The following ZNF611 variants were observed in gnomAD, a reference collection of about 807,000 sequenced individuals.
The protein encoded by ZNF611 is zinc finger protein 611.
Under a neutral mutation model 8.9 loss-of-function variants are expected in ZNF611, and 6 were observed. The observed-to-expected ratio is 0.68, with a 90% confidence interval of 0.37 to 1.34. ZNF611 has a LOEUF of 1.34. ZNF611 is among the 40% of genes most tolerant of loss of function. The probability of loss-of-function intolerance (pLI) is 0.02; values close to 1 mark genes in which losing one functional copy is unlikely to be tolerated. For missense variants in ZNF611, 874 were observed against 841.3 expected (o/e 1.04, Z -0.48); for synonymous variants, 262 against 279.7 (o/e 0.94, Z 0.63).
At chr19:52,715,564 T>C (rs1453356490) in intron 4 of ZNF611, among the ~76,000 whole-genome samples, 2 of 152,154 alleles carry the variant, frequency 1.3e-5, no homozygotes, top group Non-Finnish European at 2.9e-5. Context: ...AGCACTGACA[T>C]CAACGGGCTC....
intron 4 of ZNF611, 58 bp from the exon 5 acceptor site, chr19:52,714,199 C>G (rs1377184185): frequency 1.9e-6 from 3 of 1,584,818 alleles, no homozygotes; most frequent in Non-Finnish European, 8.5e-7. Flanking sequence ...ATCACCTTCA[C>G]AGAAAATGAG....
chr19:52,719,421 T>C lies in ZNF611; in HGVS notation c.-19-3508A>G, dbSNP rs147817812. On this transcript the variant is annotated intron_variant, in intron 3 of 5. Transcript: ENST00000652185. ...ACGAGTCAAGTCACTGTCCTCTGGC[T>C]GAAGAGGGGTTGCAGAGGGAAGCTG... 2.5e-3 allele frequency among the ~76,000 whole-genome samples: 386 copies of C among 152,288 alleles called. 4 individuals are homozygous for C. The highest frequency in any genetic ancestry group is 0.013 in the East Asian group (69 of 5,176).
intron 3 of ZNF611, among the ~76,000 whole-genome samples, chr19:52,720,419 A>G (rs11881613): frequency 7.0e-4 from 58 of 83,234 alleles, no homozygotes; most frequent in Middle Eastern, 0.011. Flanking sequence ...GGGCAGAGGC[A>G]CTCCTCACTT....
At chr19:52,715,326 G>A (rs1228363976) in intron 4 of ZNF611, among the ~76,000 whole-genome samples, 2 of 151,888 alleles carry the variant, frequency 1.3e-5, no homozygotes, top group Non-Finnish European at 2.9e-5. Context: ...GTGGTGGTAG[G>A]TGCCTGTAAT....
At chr19:52,708,805 C>T (rs1188899632) in intron 5 of ZNF611, 1 of 152,058 alleles carries the variant, frequency 6.6e-6, no homozygotes, top group South Asian at 2.1e-4. Flanking sequence ...CCATTGCACT[C>T]CAGCCTGGGT....
intron 3 of ZNF611, chr19:52,716,139 A>C (rs1325289003): frequency 3.9e-6 from 2 of 511,744 alleles, no homozygotes; most frequent in Non-Finnish European, 7.0e-6. Flanking sequence ...ACCACACACG[A>C]GGCAGCAGTG....
chr19:52,732,911 G>A (rs932924266), intron 1 of ZNF611, among the ~76,000 whole-genome samples: 6 of 152,118 alleles, frequency 3.9e-5, no homozygotes, highest in South Asian at 2.1e-4. Flanking sequence ...AGGAGATCAC[G>A]CCACTGCACA....
Position 52,706,153 on chromosome 19 carries a change from G to C in ZNF611, c.902C>G (p.Ser301Cys), listed in dbSNP as rs756062509. Reference sequence around the variant, plus strand: ...ATGAAGTCTACGATGGCAGGTAAGGGATGACTCCTGACTGAAGGTCTTGCC... The same window carrying C: ...ATGAAGTCTACGATGGCAGGTAAGGCATGACTCCTGACTGAAGGTCTTGCC... ...ECGKTFSQES[S>C]LTCHRRLHTG... Residue 301 changes from serine (S) to cysteine (C), a missense_variant, in exon 6 of 6, where the codon TCC (serine) becomes TGC (cysteine). Physicochemically the swap from Ser to Cys is moderately radical, Grantham distance 112 (BLOSUM62 -1). Coordinates refer to ENST00000652185, the MANE Select transcript of ZNF611 (RefSeq NM_001161499.2). 6.2e-7 allele frequency: 1 copy of C among 1,614,050 alleles called. No homozygotes were observed. Among genetic ancestry groups the C allele is most frequent in the African/African-American group, 1.3e-5 (1 of 75,016 alleles).
At chr19:52,716,109 A>T (rs963487721) in intron 3 of ZNF611, 196 bp from the exon 4 acceptor site, 7 of 597,586 alleles carry the variant, frequency 1.2e-5, no homozygotes, top group Admixed American at 3.1e-5. Flanking sequence ...TTCAGATCTC[A>T]CCTCTCTCCT....
Position 52,706,924 on chromosome 19 carries a change from G to A in ZNF611, c.191-60C>T, listed in dbSNP as rs1431001344. On this transcript the variant is annotated intron_variant, in intron 5 of 5. Transcript: ENST00000652185. Reference sequence around the variant, plus strand: ...AGTACAGATGGTAAATCACACTGAAGTGCATAAATATGACACAAAAAACGA... The same window carrying A: ...AGTACAGATGGTAAATCACACTGAAATGCATAAATATGACACAAAAAACGA... 15 of 1,546,066 alleles carry A rather than the reference G, an allele frequency of 9.7e-6. No homozygotes were observed. The Middle Eastern group carries it at 6.9e-4, about 71-fold the overall frequency.
At chr19:52,721,646 C>A (rs2062360165) in intron 3 of ZNF611, among the ~76,000 whole-genome samples, 1 of 146,800 alleles carries the variant, frequency 6.8e-6, no homozygotes, top group Non-Finnish European at 1.5e-5. Context: ...CCAGCCTCGG[C>A]AACAGAGGGA....
chr19:52,710,924 ATTATGT>A (rs2062275192), intron 5 of ZNF611, among the ~76,000 whole-genome samples: 1 of 151,536 alleles, frequency 6.6e-6, no homozygotes, highest in Non-Finnish European at 1.5e-5. Context: ...TACTTGGGGG[ATTATGT>A]CCTGAGGCAG....
At chr19:52,729,507 A>AG (rs2062412294) in intron 2 of ZNF611, among the ~76,000 whole-genome samples, 2 of 145,314 alleles carry the variant, frequency 1.4e-5, no homozygotes, top group African/African-American at 5.4e-5. Context: ...AAAAAAAAAA[A>AG]AAAAAAAAAA....
intron 5 of ZNF611, chr19:52,708,708 G>A (rs556960118): frequency 2.5e-4 from 38 of 152,078 alleles, no homozygotes; most frequent in African/African-American, 8.7e-4. Context: ...CTGGTGGAGG[G>A]CGCCTATAAT....
chr19:52,720,743 G>C (rs942628371), intron 3 of ZNF611, among the ~76,000 whole-genome samples: 1 of 150,420 alleles, frequency 6.6e-6, no homozygotes, highest in Non-Finnish European at 1.5e-5. Flanking sequence ...ATCCCAGACG[G>C]GGTGGCCAGG....
intron 4 of ZNF611, among the ~76,000 whole-genome samples, chr19:52,715,238 A>G (rs2062308601): frequency 6.6e-6 from 1 of 151,936 alleles, no homozygotes; most frequent in African/African-American, 2.4e-5. Context: ...TGGGCGGATC[A>G]CAAGGTCAGG....
intron 3 of ZNF611, among the ~76,000 whole-genome samples, chr19:52,725,535 G>A (rs1455471257): frequency 1.3e-5 from 2 of 152,198 alleles, no homozygotes; most frequent in African/African-American, 4.8e-5. Context: ...CCGGGGACGG[G>A]ACCAGCCTCC....
Position 52,706,069 on chromosome 19 carries a change from G to T in ZNF611, c.986C>A (p.Ala329Asp), listed in dbSNP as rs1371813700. The change falls in exon 6 of 6, where the codon GCC becomes GAC. Residue 329 changes from alanine to aspartate, a missense_variant. Physicochemically the swap from Ala to Asp is moderately radical, Grantham distance 126. Coordinates refer to ENST00000652185, the MANE Select transcript of ZNF611 (RefSeq NM_001161499.2). ...ECGKIFGQNS[A>D]LLIDKAIDTG... ...ATCAATTGCCTTATCAATTAGAAGG[G>T]CTGAATTTTGACCAAAGATCTTGCC... The T allele has an allele frequency of 1.9e-6, 3 of 1,613,930 alleles. No homozygotes were observed. In the East Asian group the frequency reaches 6.7e-5, roughly 36 times the overall value.
intron 2 of ZNF611, 43 bp from the exon 3 acceptor site, chr19:52,728,874 C>T (rs553303770): frequency 7.0e-4 from 118 of 169,582 alleles, no homozygotes; most frequent in African/African-American, 2.2e-3. Context: ...TAAGTCCAGA[C>T]GGTAAATCAT....
Sources: gnomAD v4.1 joint callset for allele counts (sites outside exome capture counted in the v4.1 genomes callset) on GRCh38, gnomAD v4.1.1 for gene constraint, MANE v1.5 for transcripts, NCBI Gene and HGNC (gene_info 2026-07-23, HGNC 2026-07-21) for gene names.